The following MAP7 variants were observed in gnomAD, a reference collection of about 807,000 sequenced individuals.
MAP7 encodes the protein ensconsin.
MAP7 carries 52 observed loss-of-function variants against 94.8 expected under a neutral mutation model. The ratio of observed to expected loss-of-function variants is 0.55; its 90% CI spans 0.44 to 0.69. MAP7 has a LOEUF of 0.69. MAP7 is among the 30% of genes least tolerant of loss of function. MAP7 has a pLI of 0.00. For missense variants in MAP7, 940 were observed against 964.6 expected, an observed-to-expected ratio of 0.97 and a Z score of 0.34; for synonymous variants, 350 against 357.0, an observed-to-expected ratio of 0.98 and a Z score of 0.22.
chr6:136,394,367 T>C (rs987872461), intron 3 of MAP7, among the ~76,000 whole-genome samples: 1 of 152,204 alleles, frequency 6.6e-6, no homozygotes, highest in Non-Finnish European at 1.5e-5. Context: ...AGTGGCTGTA[T>C]GGTATTTCAC....
intron 16 of MAP7, among the ~76,000 whole-genome samples, chr6:136,352,770 C>A (rs563319893): frequency 1.3e-5 from 2 of 152,158 alleles, no homozygotes; most frequent in Non-Finnish European, 2.9e-5. Context: ...GGTATGGAAA[C>A]TACAAACAAT....
At chr6:136,463,016 C>G (rs79025660) in intron 1 of MAP7, among the ~76,000 whole-genome samples, 1 of 150,176 alleles carries the variant, frequency 6.7e-6, no homozygotes, top group Non-Finnish European at 1.5e-5. Flanking sequence ...TTTCAAAGAC[C>G]ACCTATTCTA....
intron 5 of MAP7, 41 bp downstream of exon 5, chr6:136,388,352 C>T (rs770746235): frequency 1.4e-6 from 2 of 1,452,558 alleles, no homozygotes; most frequent in East Asian, 4.6e-5. Flanking sequence ...CTGTTACTTT[C>T]AGGAAAATAA....
intron 6 of MAP7, among the ~76,000 whole-genome samples, chr6:136,381,106 T>C (rs189513514): frequency 7.2e-5 from 11 of 152,376 alleles, no homozygotes; most frequent in Admixed American, 7.2e-4. Flanking sequence ...TCTAATGAGA[T>C]AATAAAGTAT....
chr6:136,466,645 A>G (rs1807204796), intron 1 of MAP7: 2 of 928,776 alleles, frequency 2.2e-6, no homozygotes, highest in South Asian at 4.2e-5. Flanking sequence ...AAGATTTCCT[A>G]CTCTGTACTT....
At chr6:136,516,135 G>T (rs550290823) in intron 1 of MAP7, among the ~76,000 whole-genome samples, 2 of 151,858 alleles carry the variant, frequency 1.3e-5, no homozygotes, top group East Asian at 1.9e-4. Flanking sequence ...AGACTAGCTT[G>T]GTCTGGGGAC....
At chr6:136,405,759 G>C (rs1245752443) in intron 3 of MAP7, among the ~76,000 whole-genome samples, 1 of 152,230 alleles carries the variant, frequency 6.6e-6, no homozygotes, top group East Asian at 1.9e-4. Flanking sequence ...AGATCTAGCT[G>C]TCTTGGGCCA....
intron 1 of MAP7, among the ~76,000 whole-genome samples, chr6:136,513,775 T>G (rs1349852927): frequency 6.6e-6 from 1 of 152,188 alleles, no homozygotes; most frequent in Non-Finnish European, 1.5e-5. Flanking sequence ...CCCAGACGCA[T>G]CCTGTGGAAC....
chr6:136,361,216 C>A, intron 11 of MAP7, 37 bp from the exon 12 acceptor site: 1 of 1,598,030 alleles, frequency 6.3e-7, no homozygotes, highest in Non-Finnish European at 8.5e-7. Flanking sequence ...ACCAAAGACA[C>A]CTGAGGAGAA....
intron 1 of MAP7, chr6:136,526,769 C>T: frequency 1.3e-6 from 1 of 781,960 alleles, no homozygotes. Context: ...GGTTGTCTAT[C>T]ATAACAATGT....
chr6:136,445,682 G>T (rs1302753072), intron 1 of MAP7, among the ~76,000 whole-genome samples: 1 of 152,128 alleles, frequency 6.6e-6, no homozygotes, highest in African/African-American at 2.4e-5. Flanking sequence ...AGGAGTGAGA[G>T]ATCTTGAACT....
intron 2 of MAP7, among the ~76,000 whole-genome samples, chr6:136,413,498 T>G (rs1029062985): frequency 4.8e-5 from 7 of 144,536 alleles, no homozygotes; most frequent in Non-Finnish European, 1.0e-4. Context: ...CACTCCAGCC[T>G]GGGAGACAGA....
intron 1 of MAP7, among the ~76,000 whole-genome samples, chr6:136,457,460 C>T (rs1245717524): frequency 6.6e-6 from 1 of 152,128 alleles, no homozygotes; most frequent in Admixed American, 6.5e-5. Context: ...CACTCTTGAA[C>T]TCAAATTACG....
intron 1 of MAP7, among the ~76,000 whole-genome samples, chr6:136,493,234 T>C (rs1817211473): frequency 6.6e-6 from 1 of 151,066 alleles, no homozygotes; most frequent in Admixed American, 6.6e-5. Flanking sequence ...GCGATTCTCC[T>C]GCCTCAGCCT....
At chr6:136,456,321 G>A (rs1802838762) in intron 1 of MAP7, among the ~76,000 whole-genome samples, 1 of 152,010 alleles carries the variant, frequency 6.6e-6, no homozygotes, top group South Asian at 2.1e-4. Context: ...AAACTTACGA[G>A]ATGCAGCAAA....
chr6:136,499,077 G>A (rs1031732122), intron 1 of MAP7, among the ~76,000 whole-genome samples: 4 of 152,032 alleles, frequency 2.6e-5, no homozygotes, highest in South Asian at 2.1e-4. Flanking sequence ...GCACCACTAC[G>A]CCCTGCTAAT....
chr6:136,457,827 A>C (rs1197868766), intron 1 of MAP7, among the ~76,000 whole-genome samples: 1 of 152,178 alleles, frequency 6.6e-6, no homozygotes, highest in Non-Finnish European at 1.5e-5. Context: ...GCCATATATG[A>C]AACCTCACAG....
intron 2 of MAP7, among the ~76,000 whole-genome samples, chr6:136,413,459 T>C (rs1352381666): frequency 6.8e-6 from 1 of 147,256 alleles, no homozygotes; most frequent in African/African-American, 2.5e-5. Flanking sequence ...GAGGTGGAGG[T>C]TGCGTTGAGC....
intron 8 of MAP7, among the ~76,000 whole-genome samples, chr6:136,369,169 G>C (rs139259105): frequency 0.01 from 1,589 of 152,294 alleles, 14 homozygotes; most frequent in Non-Finnish European, 0.014. Context: ...TGTCATGTTG[G>C]TATTCAAAAA....
Sources: allele counts gnomAD v4.1 joint callset (sites outside exome capture counted in the v4.1 genomes callset), GRCh38; gene constraint gnomAD v4.1.1; transcripts MANE v1.5; gene names NCBI Gene and HGNC (gene_info 2026-07-23, HGNC 2026-07-21).